FLVCR2: variants seen among roughly 807,000 people sequenced by gnomAD.
The protein encoded by FLVCR2 is choline/ethanolamine transporter FLVCR2.
A neutral mutation model predicts 48.9 loss-of-function variants in FLVCR2; 38 were observed. The ratio of observed to expected loss-of-function variants is 0.78; its 90% CI spans 0.60 to 1.02. The LOEUF (loss-of-function observed/expected upper bound fraction) is 1.02, where lower values mean the gene tolerates loss of function less well. FLVCR2 is among the 50% of genes least tolerant of loss of function. FLVCR2 has a pLI of 0.00. For synonymous variants in FLVCR2, 255 were observed against 257.0 expected (o/e 0.99, Z 0.07); for missense variants, 664 against 663.3 (o/e 1.00, Z -0.01).
intron 4 of FLVCR2, 78 bp downstream of exon 4, chr14:75,633,774 C>A: frequency 2.7e-6 from 3 of 1,111,868 alleles, no homozygotes; most frequent in South Asian, 2.5e-5. Flanking sequence ...CTGGGATGAC[C>A]GTTAAGTCTT....
intron 1 of FLVCR2, among the ~76,000 whole-genome samples, chr14:75,615,127 G>T (rs904889093): frequency 6.6e-6 from 1 of 152,166 alleles, no homozygotes; most frequent in African/African-American, 2.4e-5. Context: ...GGACGGTGGG[G>T]TCAATGCAAC....
At chr14:75,617,702 C>T (rs1340086554) in intron 1 of FLVCR2, among the ~76,000 whole-genome samples, 1 of 152,176 alleles carries the variant, frequency 6.6e-6, no homozygotes, top group Non-Finnish European at 1.5e-5. Flanking sequence ...ATACATTTTA[C>T]TATGATGAGT....
intron 1 of FLVCR2, among the ~76,000 whole-genome samples, chr14:75,621,190 G>T (rs1889755478): frequency 6.6e-6 from 1 of 152,070 alleles, no homozygotes; most frequent in African/African-American, 2.4e-5. Context: ...AAGACGGGTG[G>T]ATCACGAGGT....
intron 1 of FLVCR2, among the ~76,000 whole-genome samples, chr14:75,595,002 G>C (rs1036030031): frequency 2.0e-5 from 3 of 152,072 alleles, no homozygotes; most frequent in African/African-American, 7.3e-5. Context: ...ACAAGCATGA[G>C]CCACCATACC....
At chr14:75,581,774 G>C (rs1297292520) in intron 1 of FLVCR2, among the ~76,000 whole-genome samples, 1 of 152,226 alleles carries the variant, frequency 6.6e-6, no homozygotes, top group African/African-American at 2.4e-5. Flanking sequence ...GTAGGGAAGG[G>C]AGGGGGCCTG....
chr14:75,640,604 A>G (rs1890287259), intron 6 of FLVCR2: 2 of 357,602 alleles, frequency 5.6e-6, no homozygotes, highest in Non-Finnish European at 5.4e-6. Context: ...CTCCCAGCAC[A>G]GGGCCTGTGT....
chr14:75,579,438 A>G lies in FLVCR2; in HGVS notation c.466A>G (p.Thr156Ala), dbSNP rs746487506. ...EKFGLRTIAL[T>A]GSALNCLGAW... Reference sequence around the variant, plus strand: ...GTTCGGCCTGCGCACCATTGCTCTCACTGGCTCGGCTCTCAACTGCCTGGG... The same window carrying G: ...GTTCGGCCTGCGCACCATTGCTCTCGCTGGCTCGGCTCTCAACTGCCTGGG... Residue 156 changes from threonine to alanine, a missense_variant, in exon 1 of 10, where the codon ACT (threonine) becomes GCT (alanine). Thr to Ala is a moderately conservative substitution (Grantham distance 58). Coordinates refer to ENST00000238667, the MANE Select transcript of FLVCR2 (RefSeq NM_017791.3). The G allele has an allele frequency of 3.7e-6, 6 of 1,613,800 alleles. No homozygotes were observed. Among genetic ancestry groups the G allele is most frequent in the Middle Eastern group, 3.3e-4 (2 of 6,062 alleles).
chr14:75,641,923 G>A (rs754057965), intron 9 of FLVCR2, 25 bp downstream of exon 9: 1 of 1,609,690 alleles, frequency 6.2e-7, no homozygotes, highest in Non-Finnish European at 8.5e-7. Context: ...GCTTTGTGGG[G>A]CTGAGATCGG....
intron 1 of FLVCR2, among the ~76,000 whole-genome samples, chr14:75,618,938 G>T (rs531560264): frequency 1.9e-4 from 28 of 150,966 alleles, no homozygotes; most frequent in Admixed American, 1.8e-3. Flanking sequence ...AGTTATTGGC[G>T]ATAGGCTGGG....
intron 1 of FLVCR2, among the ~76,000 whole-genome samples, chr14:75,585,815 A>G (rs1212942915): frequency 1.3e-5 from 2 of 152,170 alleles, no homozygotes; most frequent in East Asian, 1.9e-4. Context: ...CTTTATCTCT[A>G]CTAGAGAGGA....
intron 3 of FLVCR2, chr14:75,632,899 TGTC>T: frequency 5.7e-6 from 4 of 702,400 alleles, no homozygotes; most frequent in Non-Finnish European, 1.0e-5. Flanking sequence ...CAGCCGCCAT[TGTC>T]ATCATCATCA....
intron 1 of FLVCR2, among the ~76,000 whole-genome samples, chr14:75,597,774 CG>C (rs1482555113): frequency 2.0e-5 from 3 of 151,932 alleles, no homozygotes; most frequent in Non-Finnish European, 2.9e-5. Flanking sequence ...TTCACCATGT[CG>C]GCCAGGCTGG....
chr14:75,624,464 G>T, intron 2 of FLVCR2, 148 bp from the exon 3 acceptor site: 2 of 858,732 alleles, frequency 2.3e-6, no homozygotes, highest in Non-Finnish European at 3.9e-6. Flanking sequence ...CAAGAAGGGG[G>T]CTGTTAAGGG....
intron 3 of FLVCR2, 76 bp from the exon 4 acceptor site, chr14:75,633,553 A>C: frequency 1.1e-5 from 13 of 1,171,636 alleles, no homozygotes; most frequent in Non-Finnish European, 1.7e-5. Context: ...CCACCCCCCA[A>C]ATGCTGGGGG....
chr14:75,588,835 C>G (rs1247587136), intron 1 of FLVCR2, among the ~76,000 whole-genome samples: 1 of 152,154 alleles, frequency 6.6e-6, no homozygotes, highest in Non-Finnish European at 1.5e-5. Flanking sequence ...CTCCATGGAC[C>G]CCAGAATTTT....
At chr14:75,589,368 AAAC>A (rs1888829886) in intron 1 of FLVCR2, among the ~76,000 whole-genome samples, 1 of 152,246 alleles carries the variant, frequency 6.6e-6, no homozygotes, top group Non-Finnish European at 1.5e-5. Context: ...TCAACGGGGA[AAAC>A]AACATTAAGT....
intron 1 of FLVCR2, among the ~76,000 whole-genome samples, chr14:75,616,503 A>G (rs950493419): frequency 4.6e-5 from 7 of 152,156 alleles, no homozygotes; most frequent in African/African-American, 1.7e-4. Context: ...ATATTTTTTA[A>G]TTGATACATG....
At chr14:75,603,880 G>C (rs776572331) in intron 1 of FLVCR2, among the ~76,000 whole-genome samples, 2 of 152,160 alleles carry the variant, frequency 1.3e-5, no homozygotes, top group Admixed American at 6.5e-5. Flanking sequence ...GCCCACAAAG[G>C]GGTCAAGGAA....
intron 1 of FLVCR2, among the ~76,000 whole-genome samples, chr14:75,621,802 A>G (rs916560805): frequency 6.6e-6 from 1 of 152,184 alleles, no homozygotes; most frequent in African/African-American, 2.4e-5. Context: ...TTTTTCATCA[A>G]TTTGCAGCTA....
Sources: allele counts gnomAD v4.1 joint callset (sites outside exome capture counted in the v4.1 genomes callset), GRCh38; gene constraint gnomAD v4.1.1; transcripts MANE v1.5; gene names NCBI Gene and HGNC (gene_info 2026-07-23, HGNC 2026-07-21).